Variants in KCNAB1 observed in about 807,000 individuals in gnomAD.
The protein encoded by KCNAB1 is voltage-gated potassium channel subunit beta-1.
KCNAB1 carries 35 observed loss-of-function variants against 64.6 expected under a neutral mutation model. The ratio of observed to expected loss-of-function variants is 0.54; its 90% CI spans 0.41 to 0.72. The LOEUF is 0.72. KCNAB1 is among the 30% of genes least tolerant of loss of function. KCNAB1 has a pLI of 0.00. For synonymous variants in KCNAB1, 177 were observed against 183.8 expected (o/e 0.96, Z 0.30); for missense variants, 401 against 512.9 (o/e 0.78, Z 2.11).
At chr3:156,538,942 T>TAAA (rs1319252057), downstream of KCNAB1, 1 of 152,172 alleles carries the variant, frequency 6.6e-6, no homozygotes, top group African/African-American at 2.4e-5. Context: ...AAACCAAATA[T>TAAA]AAATATTATG....
At chr3:156,252,473 G>A (rs1012014955) in intron 1 of KCNAB1, among the ~76,000 whole-genome samples, 2 of 152,128 alleles carry the variant, frequency 1.3e-5, no homozygotes, top group African/African-American at 4.8e-5. Context: ...TAATGGATTT[G>A]TTTTTGACAG....
In KCNAB1 at chr3:156,452,986, A is replaced by C. The variant is rs769632406; in HGVS notation, c.357+50A>C. 7.6e-7 allele frequency: 1 copy of C among 1,324,050 alleles called. No homozygotes were observed. Among genetic ancestry groups the C allele is most frequent in the South Asian group, 1.2e-5 (1 of 80,152 alleles). 82.0% of individuals were successfully genotyped at this position (1,324,050 alleles called of 1,614,324 possible). On this transcript the variant is annotated intron_variant, in intron 3 of 13. Transcript: ENST00000490337. This position sits in a 1 kb window ranked among gnomAD's most constrained non-coding sequence, Gnocchi z 4.6. ...TGCTAATGAAAGAAAATGCAGAGAG[A>C]GCTGTATTGCAGGAGTCCTCTTCCT...
At chr3:156,317,318 C>T (rs945407963) in intron 1 of KCNAB1, among the ~76,000 whole-genome samples, 4 of 152,164 alleles carry the variant, frequency 2.6e-5, no homozygotes, top group Admixed American at 2.6e-4. Context: ...GTCAGGGTTT[C>T]CATTGTGTCT....
rs567061709 is a variant in KCNAB1 at position 156,271,402 on chromosome 3, G to A, written c.276-150214G>A. ...TCATTTTCTTTTGTCTCCTTTGACT[G>A]TGTATTTTTAAATAGCCTGTCTTCT... On this transcript the variant is annotated intron_variant, in intron 1 of 13. Coordinates refer to ENST00000490337, the MANE Select transcript of KCNAB1 (RefSeq NM_172160.3). Among the ~76,000 whole-genome samples the A allele has an allele frequency of 2.0e-5, 3 of 152,136 alleles. No homozygotes were observed. In the South Asian group the frequency reaches 6.2e-4, roughly 32 times the overall value.
chr3:156,527,854 G>A (rs1268560862), intron 12 of KCNAB1, among the ~76,000 whole-genome samples: 1 of 152,214 alleles, frequency 6.6e-6, no homozygotes, highest in Non-Finnish European at 1.5e-5. Flanking sequence ...CTGTGTGCCT[G>A]CTCCCCAAGT....
chr3:156,406,554 G>A (rs1227238403), intron 1 of KCNAB1, among the ~76,000 whole-genome samples: 1 of 152,168 alleles, frequency 6.6e-6, no homozygotes, highest in Non-Finnish European at 1.5e-5. Flanking sequence ...AGCACTCCAA[G>A]CAGATGCAAA....
intron 1 of KCNAB1, among the ~76,000 whole-genome samples, chr3:156,323,723 G>T (rs554118634): frequency 1.3e-4 from 20 of 152,196 alleles, no homozygotes; most frequent in Middle Eastern, 3.4e-3. Flanking sequence ...CCCCATATTG[G>T]GTTCCTGTTA....
At chr3:156,307,324 T>G (rs1191070671) in intron 1 of KCNAB1, among the ~76,000 whole-genome samples, 2 of 151,876 alleles carry the variant, frequency 1.3e-5, no homozygotes, top group African/African-American at 4.8e-5. Context: ...AGAGATTATT[T>G]TTATGAAAAC....
chr3:156,216,676 G>C (rs1419275533), intron 1 of KCNAB1, among the ~76,000 whole-genome samples: 1 of 152,216 alleles, frequency 6.6e-6, no homozygotes. Context: ...GGAACATTCA[G>C]TAGTCCCTAC....
intron 1 of KCNAB1, among the ~76,000 whole-genome samples, chr3:156,403,892 T>TAAAAAAA (rs200824639): frequency 7.3e-6 from 1 of 136,874 alleles, no homozygotes; most frequent in Non-Finnish European, 1.6e-5. Context: ...AGACTCTGCC[T>TAAAAAAA]AAAAAAAAAA....
intron 1 of KCNAB1, among the ~76,000 whole-genome samples, chr3:156,309,109 G>T (rs1721708405): frequency 6.6e-6 from 1 of 152,076 alleles, no homozygotes; most frequent in East Asian, 1.9e-4. Context: ...AAATGTATTA[G>T]AAATTTATTT....
chr3:156,264,537 T>C (rs1560164950), intron 1 of KCNAB1, among the ~76,000 whole-genome samples: 6 of 152,140 alleles, frequency 3.9e-5, no homozygotes. Context: ...TGTGAGTTAT[T>C]TTCTTAGTGA....
chr3:156,443,064 C>T (rs765150243), intron 2 of KCNAB1, among the ~76,000 whole-genome samples: 8 of 152,024 alleles, frequency 5.3e-5, no homozygotes, highest in African/African-American at 1.4e-4. Flanking sequence ...TTTTTAGTTC[C>T]GGGATACATG....
chr3:156,444,183 A>G (rs973515765), intron 2 of KCNAB1, among the ~76,000 whole-genome samples: 1 of 152,156 alleles, frequency 6.6e-6, no homozygotes, highest in Non-Finnish European at 1.5e-5. Flanking sequence ...CATTTGAAAA[A>G]GAACACGTCC....
At chr3:156,404,626 T>A (rs1714125873) in intron 1 of KCNAB1, among the ~76,000 whole-genome samples, 1 of 152,200 alleles carries the variant, frequency 6.6e-6, no homozygotes. Context: ...GTATGCACAT[T>A]TTATACACGA....
At chr3:156,360,083 C>T (rs1227902210) in intron 1 of KCNAB1, among the ~76,000 whole-genome samples, 1 of 152,174 alleles carries the variant, frequency 6.6e-6, no homozygotes, top group East Asian at 1.9e-4. Context: ...GGTTACTATT[C>T]ATTTCAAATT....
chr3:156,308,655 C>T (rs1259191389), intron 1 of KCNAB1, among the ~76,000 whole-genome samples: 1 of 152,194 alleles, frequency 6.6e-6, no homozygotes, highest in African/African-American at 2.4e-5. Context: ...CTTATACGTT[C>T]TTGATGCTGG....
intron 2 of KCNAB1, among the ~76,000 whole-genome samples, chr3:156,427,911 C>A (rs769815159): frequency 6.6e-6 from 1 of 152,166 alleles, no homozygotes; most frequent in Non-Finnish European, 1.5e-5. Flanking sequence ...GTAGGCCGGT[C>A]TGATTCATTC....
chr3:156,522,922 C>T (rs575550103), intron 11 of KCNAB1, among the ~76,000 whole-genome samples: 16 of 152,224 alleles, frequency 1.1e-4, no homozygotes, highest in Non-Finnish European at 2.2e-4. Context: ...AACAGACTAA[C>T]ACTCTTACAA....
Sources: allele counts gnomAD v4.1 joint callset (sites outside exome capture counted in the v4.1 genomes callset), GRCh38; gene constraint gnomAD v4.1.1; non-coding constraint Gnocchi (gnomAD v3.1); transcripts MANE v1.5; gene names NCBI Gene and HGNC (gene_info 2026-07-23, HGNC 2026-07-21).